The following DPP8 variants were observed in gnomAD, a reference collection of about 807,000 sequenced individuals.
DPP8 encodes the protein DPP VIII.
In DPP8, 31 loss-of-function variants were observed where a neutral mutation model predicts 107.5. The ratio of observed to expected loss-of-function variants is 0.29; its 90% CI spans 0.22 to 0.39. The LOEUF is 0.39. Among genes scored for constraint, DPP8 ranks in the 10% least tolerant of loss-of-function variants. The probability of loss-of-function intolerance (pLI) is 1.00; values close to 1 mark genes in which losing one functional copy is unlikely to be tolerated. For synonymous variants in DPP8, 381 were observed against 356.6 expected (o/e 1.07, Z -0.77); for missense variants, 842 against 1,076.1 (o/e 0.78, Z 3.04).
intron 11 of DPP8, chr15:65,475,363 G>A: frequency 7.2e-7 from 1 of 1,385,694 alleles, no homozygotes; most frequent in Non-Finnish European, 1.0e-6. Context: ...TGTGGGCTTT[G>A]GAGGAACAGG....
intron 2 of DPP8, 163 bp downstream of exon 2, chr15:65,512,132 G>A (rs2070866116): frequency 4.0e-6 from 3 of 757,870 alleles, no homozygotes; most frequent in Non-Finnish European, 6.8e-6. Context: ...TAAAGTTAAT[G>A]CGATACAACA....
chr15:65,499,613 A>C (rs535008594), intron 4 of DPP8, among the ~76,000 whole-genome samples: 2 of 151,966 alleles, frequency 1.3e-5, no homozygotes, highest in African/African-American at 4.8e-5. Flanking sequence ...CATCCACGCT[A>C]AAGTGCAGCA....
intron 7 of DPP8, among the ~76,000 whole-genome samples, chr15:65,487,293 G>A (rs1028443197): frequency 1.3e-5 from 2 of 152,046 alleles, no homozygotes; most frequent in Non-Finnish European, 2.9e-5. Flanking sequence ...GGGATTACAG[G>A]CATGCACCAC....
chr15:65,473,256 T>C (rs1466203343), intron 12 of DPP8, among the ~76,000 whole-genome samples: 1 of 143,596 alleles, frequency 7.0e-6, no homozygotes, highest in Non-Finnish European at 1.5e-5. Flanking sequence ...ACCCAGGAGG[T>C]GGAAGTTTCA....
intron 1 of DPP8, chr15:65,512,791 C>T (rs1463720698): frequency 3.9e-6 from 2 of 515,704 alleles, no homozygotes; most frequent in Admixed American, 3.6e-5. Context: ...CTTCACAGTG[C>T]CTATAAATCC....
chr15:65,473,789 G>C (rs1211544059), intron 12 of DPP8, among the ~76,000 whole-genome samples: 1 of 152,068 alleles, frequency 6.6e-6, no homozygotes, highest in Admixed American at 6.6e-5. Context: ...GTAATTTTAG[G>C]CCGTAACTTA....
intron 8 of DPP8, among the ~76,000 whole-genome samples, chr15:65,482,253 T>G: frequency 6.6e-6 from 1 of 152,044 alleles, no homozygotes. Context: ...CTCCCTATGT[T>G]GCCCAGTCTA....
At chr15:65,448,865 A>AATATATATGTGTGTGTGTGTGTGTGT (rs2063707572) in intron 19 of DPP8, among the ~76,000 whole-genome samples, 3 of 53,314 alleles carry the variant, frequency 5.6e-5, no homozygotes, top group African/African-American at 1.9e-4. Context: ...ATATATCTAA[A>AATATATATGTGTGTGTGTGTGTGTGT]ATATATATAT....
At position 65,476,591 on chromosome 15, in the gene DPP8, G is replaced by A. The variant is rs541507715; in HGVS notation, c.1456+2289C>T. ...AAATGGGGTAGCAGTAGCCACTACC[G>A]TTGGTGTTCCAATGGTGTAGCTCCT... On this transcript the variant is annotated intron_variant, in intron 11 of 19. Transcript: ENST00000300141. Among the ~76,000 whole-genome samples the A allele has an allele frequency of 3.9e-5, 6 of 152,274 alleles. No individual in the cohort carries two copies. The South Asian group carries it at 1.0e-3, about 26-fold the overall frequency.
At chr15:65,466,501 T>C (rs377460251) in intron 14 of DPP8, among the ~76,000 whole-genome samples, 177 bp downstream of exon 14, 79 of 152,312 alleles carry the variant, frequency 5.2e-4, no homozygotes, top group African/African-American at 1.9e-3. Context: ...GTAACCCATC[T>C]TATTCAGTAG....
chr15:65,448,865 A>AATATATATATATAT (rs58549410), intron 19 of DPP8, among the ~76,000 whole-genome samples: 1 of 53,314 alleles, frequency 1.9e-5, no homozygotes, highest in Non-Finnish European at 3.9e-5. Context: ...ATATATCTAA[A>AATATATATATATAT]ATATATATAT....
intron 18 of DPP8, 77 bp downstream of exon 18, chr15:65,451,883 C>CCA: frequency 1.4e-6 from 2 of 1,410,158 alleles, no homozygotes; most frequent in South Asian, 1.5e-5. Flanking sequence ...CCTGATCATG[C>CCA]CACTACACTC....
At chr15:65,485,544 CA>C (rs56940292) in intron 7 of DPP8, among the ~76,000 whole-genome samples, 4,514 of 61,260 alleles carry the variant, frequency 0.074, 105 homozygotes, top group African/African-American at 0.21. Context: ...GACTCCATCT[CA>C]AAAAAAAAAA....
Position 65,446,718 on chromosome 15 carries a change from C to A in DPP8, c.*166G>T. ...CATGTGGGGTTAAGGTATTAGATTA[C>A]TACCACAAACCGTAGACCCCTGCAT... is the stretch of plus-strand genomic sequence containing the variant. On this transcript the variant is annotated 3_prime_UTR_variant, in exon 20 of 20. Coordinates refer to ENST00000300141, the MANE Select transcript of DPP8 (RefSeq NM_130434.5). 4.6e-5 allele frequency: 16 copies of A among 351,344 alleles called. No individual in the cohort carries two copies. The highest frequency in any genetic ancestry group is 5.5e-5 in the Non-Finnish European group (12 of 217,320). The allele number at this position is 351,344 out of a possible 1,614,324, so 21.8% of individuals were successfully genotyped here. A position where few individuals can be genotyped will look rare whatever the true frequency, so the allele number is the denominator to read the frequency against.
At position 65,454,426 on chromosome 15, in the gene DPP8, A is replaced by G; in HGVS notation, c.2119-11T>C. ...AATTTCTATTTGACCCTGTCAAAAA[A>G]GGGAGAACATTTCACTGATTCTGAT... On this transcript the variant is annotated splice_polypyrimidine_tract_variant and intron_variant, in intron 16 of 19. Coordinates refer to ENST00000300141, the MANE Select transcript of DPP8 (RefSeq NM_130434.5). 1.3e-6 allele frequency: 2 copies of G among 1,581,488 alleles called. No homozygotes were observed. The highest frequency in any genetic ancestry group is 1.9e-5 in the Admixed American group (1 of 53,370).
rs544541897 is a variant in DPP8, at chr15:65,514,683, G to GT, written c.-11-2120dup. Among the ~76,000 whole-genome samples, 100 of 152,228 alleles carry GT rather than the reference G, an allele frequency of 6.6e-4. 1 individual carries two copies. The Middle Eastern group carries it at 0.017, about 26-fold the overall frequency. The stretch of plus-strand genomic sequence containing the variant: ...CCGCCATCGTGCCCAGTTAATTTTT[G>GT]TATTTTTTAGTAGAGACGGGGTTTC... On this transcript the variant is annotated intron_variant, in intron 1 of 19. Transcript: ENST00000300141.
intron 5 of DPP8, 108 bp from the exon 6 acceptor site, chr15:65,490,407 T>C (rs371644573): frequency 1.4e-6 from 1 of 736,074 alleles, no homozygotes. Context: ...AGTGGTAAAC[T>C]CTGGAGCTGA....
At chr15:65,478,318 G>C (rs2066592119) in intron 11 of DPP8, among the ~76,000 whole-genome samples, 1 of 152,168 alleles carries the variant, frequency 6.6e-6, no homozygotes, top group African/African-American at 2.4e-5. Context: ...GAGTGTGGTG[G>C]CGTGATCTTG....
At chr15:65,507,656 TAA>T (rs746039694) in intron 2 of DPP8, among the ~76,000 whole-genome samples, 37 of 105,164 alleles carry the variant, frequency 3.5e-4, no homozygotes, top group Non-Finnish European at 2.6e-4. Context: ...GATCCCAACT[TAA>T]AAAAAAAAAA....
Sources: allele counts gnomAD v4.1 joint callset (sites outside exome capture counted in the v4.1 genomes callset), GRCh38; gene constraint gnomAD v4.1.1; transcripts MANE v1.5; gene names NCBI Gene and HGNC (gene_info 2026-07-23, HGNC 2026-07-21).